Variants in SGIP1 observed in about 807,000 individuals in gnomAD.
SGIP1 encodes SH3GL interacting endocytic adaptor 1.
A neutral mutation model predicts 107.5 loss-of-function variants in SGIP1; 38 were observed. That is an observed-to-expected ratio of 0.35 (90% CI 0.27 to 0.46). The LOEUF (loss-of-function observed/expected upper bound fraction) is 0.46. SGIP1 is among the 20% of genes least tolerant of loss of function. The probability of loss-of-function intolerance (pLI) is 1.00; values close to 1 mark genes in which losing one functional copy is unlikely to be tolerated. For missense variants in SGIP1, 929 were observed against 1,019.5 expected, an observed-to-expected ratio of 0.91 and a Z score of 1.21; for synonymous variants, 365 against 366.1, an observed-to-expected ratio of 1.00 and a Z score of 0.03.
intron 1 of SGIP1, among the ~76,000 whole-genome samples, chr1:66,560,208 C>T (rs2058729573): frequency 1.3e-5 from 2 of 152,028 alleles, no homozygotes; most frequent in Admixed American, 1.3e-4. Context: ...CAAAAATAAC[C>T]TTTACCGCAG....
chr1:66,585,651 T>C (rs1306770426), intron 1 of SGIP1, among the ~76,000 whole-genome samples: 1 of 151,962 alleles, frequency 6.6e-6, no homozygotes, highest in African/African-American at 2.4e-5. Flanking sequence ...TGGTTTTTTG[T>C]TTTGTTTTGT....
chr1:66,671,771 G>A (rs2083876015), intron 10 of SGIP1, among the ~76,000 whole-genome samples, 173 bp from the exon 11 acceptor site: 1 of 152,192 alleles, frequency 6.6e-6, no homozygotes, highest in African/African-American at 2.4e-5. Context: ...CACTACATAT[G>A]CCTAATATAT....
At chr1:66,725,285 A>C (rs2093703147) in intron 19 of SGIP1, among the ~76,000 whole-genome samples, 1 of 152,198 alleles carries the variant, frequency 6.6e-6, no homozygotes, top group South Asian at 2.1e-4. Context: ...AGGTTATAGC[A>C]GTTCCTCATT....
Position 66,746,591 on chromosome 1 carries a change from T to A in SGIP1, c.*3496T>A, listed in dbSNP as rs2094555910. 6.6e-6 allele frequency: 1 copy of A among 152,152 alleles called. No homozygotes were observed. The highest frequency in any genetic ancestry group is 2.1e-4 in the South Asian group (1 of 4,830). The allele number at this position is 152,152 out of a possible 1,614,324, so 9.4% of individuals were successfully genotyped here. On this transcript the variant is annotated 3_prime_UTR_variant, in exon 25 of 25. Transcript: ENST00000371037. ...TACCATGTACCAGTCACTAGAGATA[T>A]TAGCTCATTTAATTCTCTTATCAAT... is the stretch of plus-strand genomic sequence containing the variant.
intron 8 of SGIP1, among the ~76,000 whole-genome samples, chr1:66,663,093 T>G (rs933533041): frequency 6.6e-6 from 1 of 152,088 alleles, no homozygotes; most frequent in African/African-American, 2.4e-5. Flanking sequence ...TGGATGCTCA[T>G]CATCTCTCTG....
At chr1:66,646,363 TA>T (rs1366926162) in intron 7 of SGIP1, among the ~76,000 whole-genome samples, 1 of 152,220 alleles carries the variant, frequency 6.6e-6, no homozygotes, top group Non-Finnish European at 1.5e-5. Context: ...ATATTTTATT[TA>T]AACTATGGTT....
intron 1 of SGIP1, among the ~76,000 whole-genome samples, chr1:66,582,203 T>A (rs919679422): frequency 1.3e-5 from 2 of 152,078 alleles, no homozygotes; most frequent in African/African-American, 4.8e-5. Context: ...AAAGGGCTCA[T>A]AAATTCTGAA....
intron 1 of SGIP1, among the ~76,000 whole-genome samples, chr1:66,549,923 A>C (rs2057137589): frequency 6.6e-6 from 1 of 152,148 alleles, no homozygotes; most frequent in Non-Finnish European, 1.5e-5. Context: ...ATCTAAACCC[A>C]ACATCACAAC....
At chr1:66,545,772 G>A (rs1366898170) in intron 1 of SGIP1, among the ~76,000 whole-genome samples, 1 of 152,006 alleles carries the variant, frequency 6.6e-6, no homozygotes, top group Non-Finnish European at 1.5e-5. Flanking sequence ...GCACAGGCTG[G>A]CAGGCCAGTA....
At chr1:66,570,005 C>T (rs2060163290) in intron 1 of SGIP1, among the ~76,000 whole-genome samples, 2 of 151,684 alleles carry the variant, frequency 1.3e-5, no homozygotes, top group Admixed American at 1.3e-4. Flanking sequence ...AACTTGTGGG[C>T]ATAGAGAAGT....
chr1:66,745,161 C>T lies in SGIP1; in HGVS notation c.*2066C>T, dbSNP rs2094535682. 6.6e-6 allele frequency: 1 copy of T among 151,674 alleles called. No homozygotes were observed. The highest frequency in any genetic ancestry group is 6.6e-5 in the Admixed American group (1 of 15,252). 9.4% of individuals were successfully genotyped at this position (151,674 alleles called of 1,614,324 possible). On this transcript the variant is annotated 3_prime_UTR_variant, in exon 25 of 25. Coordinates refer to ENST00000371037, the MANE Select transcript of SGIP1 (RefSeq NM_032291.4). The stretch of plus-strand genomic sequence containing the variant: ...GATCTAGAATGAATTAGTAATTAAA[C>T]ACAAGGGTTTTTTTCCCAAAAAATA...
At chr1:66,665,457 C>T (rs913123332) in intron 8 of SGIP1, among the ~76,000 whole-genome samples, 3 of 152,272 alleles carry the variant, frequency 2.0e-5, no homozygotes, top group African/African-American at 7.2e-5. Context: ...TTTATAGCAG[C>T]ATGATTTATA....
chr1:66,645,475 G>A (rs1304992607), intron 7 of SGIP1, among the ~76,000 whole-genome samples: 2 of 152,076 alleles, frequency 1.3e-5, no homozygotes, highest in Non-Finnish European at 2.9e-5. Flanking sequence ...AATGTTAAGG[G>A]AAGCAGAGTG....
chr1:66,634,607 T>G (rs890719499), intron 3 of SGIP1, among the ~76,000 whole-genome samples: 2 of 152,206 alleles, frequency 1.3e-5, no homozygotes, highest in Non-Finnish European at 2.9e-5. Context: ...ACGTTCTTTA[T>G]TAGCAGTTGT....
At chr1:66,720,449 T>C (rs2454325) in intron 19 of SGIP1, among the ~76,000 whole-genome samples, 138,257 of 152,268 alleles carry the variant, frequency 0.91, 62,963 homozygotes, top group Middle Eastern at 0.94. Context: ...AACTGGAGAC[T>C]AGGCATGGTG....
chr1:66,625,562 A>C (rs2072459305), intron 1 of SGIP1, among the ~76,000 whole-genome samples: 1 of 152,258 alleles, frequency 6.6e-6, no homozygotes, highest in Non-Finnish European at 1.5e-5. Flanking sequence ...GATGAACAAC[A>C]GTAGTCTAAG....
chr1:66,660,195 GAAAGAAAGAA>G (rs2081120690), intron 7 of SGIP1: 1 of 180,404 alleles, frequency 5.5e-6, no homozygotes, highest in Non-Finnish European at 9.1e-6. Context: ...AAGAAAGAAA[GAAAGAAAGAA>G]AGAAAGAAAG....
chr1:66,634,115 C>T (rs1353438146), intron 3 of SGIP1: 2 of 1,609,956 alleles, frequency 1.2e-6, no homozygotes, highest in African/African-American at 1.3e-5. Context: ...CTCAGCTTCT[C>T]CTCACCTCTT....
intron 7 of SGIP1, among the ~76,000 whole-genome samples, chr1:66,646,897 A>G (rs1372717321): frequency 6.6e-6 from 1 of 152,198 alleles, no homozygotes; most frequent in African/African-American, 2.4e-5. Flanking sequence ...GCAGAAGGCT[A>G]ATGCAGGAGT....
Sources: gnomAD v4.1 joint callset for allele counts (sites outside exome capture counted in the v4.1 genomes callset) on GRCh38, gnomAD v4.1.1 for gene constraint, MANE v1.5 for transcripts, NCBI Gene and HGNC (gene_info 2026-07-23, HGNC 2026-07-21) for gene names.